The following PRKAB1 variants were observed in gnomAD, a reference collection of about 807,000 sequenced individuals.
The protein encoded by PRKAB1 is 5'-AMP-activated protein kinase subunit beta-1.
A neutral mutation model predicts 32.0 loss-of-function variants in PRKAB1; 18 were observed. The observed-to-expected ratio is 0.56, with a 90% confidence interval of 0.39 to 0.83. PRKAB1 has a LOEUF of 0.83. PRKAB1 is among the 40% of genes least tolerant of loss of function. PRKAB1 has a pLI of 0.00. For missense variants in PRKAB1, 263 were observed against 352.6 expected (o/e 0.75, Z 2.03); for synonymous variants, 141 against 141.4 (o/e 1.00, Z 0.02).
At position 119,680,319 on chromosome 12, in the gene PRKAB1, C is replaced by T; in HGVS notation, c.807C>T (p.Pro269=). ...KKYVTTLLYK[P]I ...ACGTCACCACCTTGTTATACAAGCC[C>T]ATATGAAGAGCTGGGGGCGGATGGT... Residue 269 remains proline, a synonymous_variant, in exon 7 of 7, where the codon CCC becomes CCT. Coordinates refer to ENST00000229328, the MANE Select transcript of PRKAB1 (RefSeq NM_006253.5). The T allele has an allele frequency of 6.2e-7, 1 of 1,613,936 alleles. No individual in the cohort carries two copies. Among genetic ancestry groups the T allele is most frequent in the Non-Finnish European group, 8.5e-7 (1 of 1,179,876 alleles).
At chr12:119,680,178 A>G (rs1593333654) in intron 6 of PRKAB1, 70 bp from the exon 7 acceptor site, 3 of 1,536,852 alleles carry the variant, frequency 2.0e-6, no homozygotes, top group Non-Finnish European at 2.7e-6. Flanking sequence ...GAAGCCCTTA[A>G]TGATTCTCAT....
At position 119,674,494 on chromosome 12, in the gene PRKAB1, GGGGC is replaced by G; in HGVS notation, c.532+41_532+44del. The G allele has an allele frequency of 2.7e-6, 4 of 1,456,212 alleles. No homozygotes were observed. The highest frequency in any genetic ancestry group is 3.8e-6 in the Non-Finnish European group (4 of 1,039,688). The allele number at this position is 1,456,212 out of a possible 1,614,324, so 90.2% of individuals were successfully genotyped here. On this transcript the variant is annotated intron_variant, in intron 4 of 6. Coordinates refer to ENST00000229328, the MANE Select transcript of PRKAB1 (RefSeq NM_006253.5). The surrounding 1 kb of genome is among the most constrained non-coding windows in gnomAD (Gnocchi z 4.3). ...ATTTTATACCACATGCGTGCAGGTG[GGGGC>G]TGTACAGTCTAGACATACTCTTGTT...
In PRKAB1 at chr12:119,668,464, A is replaced by C. The variant is rs1049215188; in HGVS notation, c.159+61A>C. On this transcript the variant is annotated intron_variant, in intron 1 of 6. Coordinates refer to ENST00000229328, the MANE Select transcript of PRKAB1 (RefSeq NM_006253.5). ...CTAATGTTGAGGAGAGGAACCCTCCACTAGATTCCCGTCACATCCTTTCGA... is the reference window on the plus strand; with the variant it reads ...CTAATGTTGAGGAGAGGAACCCTCCCCTAGATTCCCGTCACATCCTTTCGA... 3.4e-5 allele frequency: 54 copies of C among 1,576,096 alleles called. No individual in the cohort carries two copies. The African/African-American group carries it at 7.1e-4, about 21-fold the overall frequency.
intron 1 of PRKAB1, 167 bp from the exon 2 acceptor site, chr12:119,672,130 TAAAA>T: frequency 1.6e-6 from 1 of 629,844 alleles, no homozygotes; most frequent in Non-Finnish European, 2.6e-6. Flanking sequence ...TTCACAACCT[TAAAA>T]AATATATTTC....
At chr12:119,669,407 A>G (rs1419833069) in intron 1 of PRKAB1, 1 of 150,592 alleles carries the variant, frequency 6.6e-6, no homozygotes, top group Non-Finnish European at 1.5e-5. Flanking sequence ...AGCTGGGACG[A>G]CAGGCACCCG....
chr12:119,670,592 A>G (rs948736952), intron 1 of PRKAB1, among the ~76,000 whole-genome samples: 6 of 152,232 alleles, frequency 3.9e-5, no homozygotes, highest in Non-Finnish European at 7.3e-5. Context: ...TAAGACACCA[A>G]AGGAATCAAA....
chr12:119,671,453 C>G (rs1309103273), intron 1 of PRKAB1: 2 of 408,548 alleles, frequency 4.9e-6, no homozygotes, highest in Non-Finnish European at 9.8e-6. Context: ...CTGGGGAGGC[C>G]TTAGGAAACT....
intron 5 of PRKAB1, chr12:119,678,410 T>C (rs137984806): frequency 1.3e-5 from 2 of 152,352 alleles, no homozygotes; most frequent in African/African-American, 4.8e-5. Context: ...TCTACTGTCT[T>C]AGAGATTTTC....
chr12:119,669,267 CCTA>C (rs1271375472), intron 1 of PRKAB1, among the ~76,000 whole-genome samples: 1 of 133,046 alleles, frequency 7.5e-6, no homozygotes, highest in African/African-American at 2.9e-5. Context: ...GCCGGTTCAG[CCTA>C]CTTTTTTTTT....
chr12:119,677,673 C>T (rs1730081340), intron 5 of PRKAB1: 1 of 151,702 alleles, frequency 6.6e-6, no homozygotes, highest in South Asian at 2.1e-4. Flanking sequence ...CTTAGAAGCA[C>T]TTAGTTGACA....
rs538592033 is a variant in PRKAB1, at chr12:119,679,585, G to T, written c.667-348G>T. The T allele has an allele frequency of 3.1e-6, 1 of 325,648 alleles. No homozygotes were observed. The highest frequency in any genetic ancestry group is 2.7e-5 in the South Asian group (1 of 36,384). 20.2% of individuals were successfully genotyped at this position (325,648 alleles called of 1,614,324 possible). On this transcript the variant is annotated intron_variant, in intron 5 of 6. Coordinates refer to ENST00000229328, the MANE Select transcript of PRKAB1 (RefSeq NM_006253.5). This position sits in a 1 kb window ranked among gnomAD's most constrained non-coding sequence, Gnocchi z 4.1. The stretch of plus-strand genomic sequence containing the variant: ...TGCTCAGGAGCGTTTAGTGCAGATG[G>T]TCTCTTCCTGTGTTCTCTGAAAGTG...
intron 1 of PRKAB1, chr12:119,671,479 AGGCACCTCTTCACAGGAC>A (rs58105891): frequency 0.051 from 21,436 of 418,666 alleles, 694 homozygotes; most frequent in Middle Eastern, 0.068. Flanking sequence ...TCATGGTAAA[AGGCACCTCTTCACAGGAC>A]GGCAGAAGAG....
intron 2 of PRKAB1, 77 bp downstream of exon 2, chr12:119,672,541 A>G (rs1027864022): frequency 2.9e-6 from 4 of 1,380,830 alleles, no homozygotes; most frequent in East Asian, 5.2e-5. Context: ...GAGAGAGAAC[A>G]GAAAATGGAT....
intron 5 of PRKAB1, chr12:119,677,627 C>G (rs1955434755): frequency 6.6e-6 from 1 of 152,382 alleles, no homozygotes; most frequent in Non-Finnish European, 1.5e-5. Context: ...TCAAATAGGT[C>G]ACAGGTGAAG....
At chr12:119,672,499 A>G in intron 2 of PRKAB1, 35 bp downstream of exon 2, 1 of 1,463,378 alleles carries the variant, frequency 6.8e-7, no homozygotes, top group Non-Finnish European at 9.1e-7. Context: ...TATTTGTCTT[A>G]ACATAAATTC....
intron 4 of PRKAB1, among the ~76,000 whole-genome samples, chr12:119,676,253 C>G (rs932121311): frequency 2.6e-5 from 4 of 152,152 alleles, no homozygotes; most frequent in African/African-American, 7.2e-5. Flanking sequence ...ATTAAGTTAT[C>G]GAGAATAGCC....
At chr12:119,673,238 A>C (rs1015987859) in intron 2 of PRKAB1, among the ~76,000 whole-genome samples, 17 of 152,248 alleles carry the variant, frequency 1.1e-4, no homozygotes, top group Admixed American at 3.9e-4. Flanking sequence ...TCCAAAAAGA[A>C]AAGAAAAATA....
At chr12:119,676,245 TA>T (rs1288193531) in intron 4 of PRKAB1, among the ~76,000 whole-genome samples, 2 of 152,126 alleles carry the variant, frequency 1.3e-5, no homozygotes, top group Non-Finnish European at 2.9e-5. Context: ...CGTGTGGGAT[TA>T]AGTTATCGAG....
chr12:119,668,452 G>T, intron 1 of PRKAB1, 49 bp downstream of exon 1: 1 of 1,595,240 alleles, frequency 6.3e-7, no homozygotes, highest in Non-Finnish European at 8.5e-7. Context: ...ATGTTGAGGA[G>T]AGGAACCCTC....
Sources: allele counts gnomAD v4.1 joint callset (sites outside exome capture counted in the v4.1 genomes callset), GRCh38; gene constraint gnomAD v4.1.1; non-coding constraint Gnocchi (gnomAD v3.1); transcripts MANE v1.5; gene names NCBI Gene and HGNC (gene_info 2026-07-23, HGNC 2026-07-21).